PREP: variants seen among roughly 807,000 people sequenced by gnomAD.
PREP encodes the protein prolyl endopeptidase, also known as dJ355L5.1 (prolyl endopeptidase).
A neutral mutation model predicts 87.6 loss-of-function variants in PREP; 29 were observed. That is an observed-to-expected ratio of 0.33 (90% CI 0.25 to 0.45). The LOEUF is 0.45. Among genes scored for constraint, PREP ranks in the 20% least tolerant of loss-of-function variants. The pLI is 1.00. For synonymous variants in PREP, 337 were observed against 328.6 expected (o/e 1.03, Z -0.28); for missense variants, 695 against 886.5 (o/e 0.78, Z 2.74).
rs555973769 is a variant in PREP, at chr6:105,370,295, T to C, written c.596-1271A>G. On this transcript the variant is annotated intron_variant, in intron 5 of 14. Coordinates refer to ENST00000652536, the MANE Select transcript of PREP (RefSeq NM_002726.5). ...TAACTAGTCCCAGACAGAGTGAGAC[T>C]CCATCTCAAAAAAAAAAAAAAAAAA... is the stretch of plus-strand genomic sequence containing the variant. 2.9e-5 allele frequency among the ~76,000 whole-genome samples: 3 copies of C among 102,192 alleles called. No homozygotes were observed. In the East Asian group the frequency reaches 7.1e-4, roughly 24 times the overall value. 67.0% of individuals were successfully genotyped at this position (102,192 alleles called of 152,430 possible). A position where few individuals can be genotyped will look rare whatever the true frequency, so the allele number is the denominator to read the frequency against.
chr6:105,361,383 C>T (rs1043903316), intron 6 of PREP, among the ~76,000 whole-genome samples: 3 of 151,976 alleles, frequency 2.0e-5, no homozygotes, highest in African/African-American at 4.8e-5. Context: ...ACACTCCAGT[C>T]GTGTGGTGGT....
intron 2 of PREP, among the ~76,000 whole-genome samples, chr6:105,392,043 CTT>C (rs201604035): frequency 1.4e-3 from 169 of 123,186 alleles, no homozygotes; most frequent in African/African-American, 4.1e-3. Context: ...GTCTTCAAAT[CTT>C]TTTTTTTTTT....
intron 10 of PREP, among the ~76,000 whole-genome samples, chr6:105,321,127 T>C (rs1207978058): frequency 3.9e-5 from 6 of 152,216 alleles, no homozygotes; most frequent in African/African-American, 2.4e-5. Flanking sequence ...CAGTACTACG[T>C]GTATGAGGTA....
chr6:105,318,460 T>A (rs1397440057), intron 10 of PREP, among the ~76,000 whole-genome samples: 1 of 152,138 alleles, frequency 6.6e-6, no homozygotes, highest in Non-Finnish European at 1.5e-5. Flanking sequence ...AACTTACTTC[T>A]CTATTATAAG....
intron 10 of PREP, chr6:105,323,189 ATTAAT>A: frequency 8.9e-7 from 1 of 1,127,042 alleles, no homozygotes; most frequent in Non-Finnish European, 1.2e-6. Flanking sequence ...ATGACAATTA[ATTAAT>A]TTATTCATTC....
At chr6:105,397,184 A>AC (rs1240706688) in intron 2 of PREP, among the ~76,000 whole-genome samples, 7 of 145,166 alleles carry the variant, frequency 4.8e-5, no homozygotes, top group South Asian at 2.3e-4. Flanking sequence ...GACTCTGTCT[A>AC]CAAAAAAAAA....
At chr6:105,289,797 T>C (rs1469506801) in intron 10 of PREP, among the ~76,000 whole-genome samples, 2 of 152,212 alleles carry the variant, frequency 1.3e-5, no homozygotes, top group African/African-American at 2.4e-5. Flanking sequence ...GTGCTCCAGT[T>C]TGGAATCATC....
chr6:105,279,889 A>G (rs1296750128), intron 14 of PREP, among the ~76,000 whole-genome samples: 1 of 152,254 alleles, frequency 6.6e-6, no homozygotes, highest in Non-Finnish European at 1.5e-5. Flanking sequence ...ATGAGTTTAA[A>G]TAGGACTTGT....
chr6:105,389,245 A>G (rs1773079291), intron 2 of PREP, among the ~76,000 whole-genome samples: 1 of 152,190 alleles, frequency 6.6e-6, no homozygotes, highest in South Asian at 2.1e-4. Context: ...GGGTGTTGTT[A>G]TAACTGGGAG....
chr6:105,346,890 C>CA (rs953642106), intron 7 of PREP, among the ~76,000 whole-genome samples: 3 of 152,206 alleles, frequency 2.0e-5, no homozygotes, highest in African/African-American at 7.2e-5. Flanking sequence ...CACCTGAGGT[C>CA]AGGGGTTCAT....
rs1475045000 is a variant in PREP, at chr6:105,366,069, A to G, written c.717+2834T>C. Among the ~76,000 whole-genome samples the G allele has an allele frequency of 2.6e-5, 4 of 152,242 alleles. No individual in the cohort carries two copies. In the East Asian group the frequency reaches 7.7e-4, roughly 29 times the overall value. On this transcript the variant is annotated intron_variant, in intron 6 of 14. Coordinates refer to ENST00000652536, the MANE Select transcript of PREP (RefSeq NM_002726.5). ...CAGGAGTTTGAGACCAGCCTGGCCA[A>G]CATGGTGAAACCCTGTCTCCACTAA...
chr6:105,381,285 A>T (rs1772829469), intron 2 of PREP, among the ~76,000 whole-genome samples: 1 of 152,232 alleles, frequency 6.6e-6, no homozygotes, highest in Admixed American at 6.5e-5. Flanking sequence ...GGTGGTAGAA[A>T]ATTTCTGTAA....
chr6:105,332,247 T>C (rs745711801), intron 8 of PREP, among the ~76,000 whole-genome samples: 2 of 151,980 alleles, frequency 1.3e-5, no homozygotes, highest in Admixed American at 1.3e-4. Context: ...AAAGTGCCCA[T>C]AGCAACCTGT....
chr6:105,402,228 C>T (rs960985551), intron 1 of PREP, among the ~76,000 whole-genome samples: 1 of 152,206 alleles, frequency 6.6e-6, no homozygotes, highest in Non-Finnish European at 1.5e-5. Context: ...CACGGCCACA[C>T]TATGGGGTCA....
chr6:105,345,304 GTGGCATTATTCACTCTGAAGCCAAA>G, intron 7 of PREP, among the ~76,000 whole-genome samples: 1 of 152,140 alleles, frequency 6.6e-6, no homozygotes, highest in South Asian at 2.1e-4. Flanking sequence ...TGTCTATAAA[GTGGCATTATTCACTCTGAAGCCAAA>G]AGAAATTTCA....
rs1280995237 is a variant in PREP at position 105,333,424 on chromosome 6, A to G, written c.905T>C (p.Phe302Ser). The G allele has an allele frequency of 6.2e-7, 1 of 1,614,190 alleles. No homozygotes were observed. Among genetic ancestry groups the G allele is most frequent in the Admixed American group, 1.7e-5 (1 of 60,026 alleles). ...GTTGGGAGACTGGCGATTCGTCTTG[A>G]ATGTGAACACCGTCCCCTCATTGGT... The part of the protein sequence containing the change: ...YVTNEGTVFT[F>S]KTNRQSPNYR... The change falls in exon 8 of 15, where the codon TTC becomes TCC. Residue 302 changes from phenylalanine (F) to serine (S), a missense_variant. Physicochemically the swap from Phe to Ser is radical, Grantham distance 155. Coordinates refer to ENST00000652536, the MANE Select transcript of PREP (RefSeq NM_002726.5).
chr6:105,331,260 C>T (rs752876280), intron 8 of PREP, among the ~76,000 whole-genome samples: 4 of 152,124 alleles, frequency 2.6e-5, no homozygotes, highest in Non-Finnish European at 4.4e-5. Flanking sequence ...TTCCCCTTTC[C>T]AGTCTGAAAA....
chr6:105,324,481 A>T (rs1350375573), intron 9 of PREP, among the ~76,000 whole-genome samples: 3 of 152,234 alleles, frequency 2.0e-5, no homozygotes, highest in Admixed American at 1.3e-4. Flanking sequence ...TAAGAACTAA[A>T]TCAAAGAAAT....
chr6:105,317,133 T>A (rs547893359), intron 10 of PREP, among the ~76,000 whole-genome samples: 17 of 151,726 alleles, frequency 1.1e-4, no homozygotes, highest in African/African-American at 2.7e-4. Context: ...ATATATATAT[T>A]TTTTTGTAGA....
Sources: allele counts gnomAD v4.1 joint callset (sites outside exome capture counted in the v4.1 genomes callset), GRCh38; gene constraint gnomAD v4.1.1; transcripts MANE v1.5; gene names NCBI Gene and HGNC (gene_info 2026-07-23, HGNC 2026-07-21).